Variants in BCAS3 observed in about 807,000 individuals in gnomAD.
The protein encoded by BCAS3 is BCAS4/BCAS3 fusion.
In BCAS3, 53 loss-of-function variants were observed where a neutral mutation model predicts 116.1. That is an observed-to-expected ratio of 0.46 (90% CI 0.37 to 0.57). The LOEUF (loss-of-function observed/expected upper bound fraction) is 0.57, where lower values mean the gene tolerates loss of function less well. Among genes scored for constraint, BCAS3 ranks in the 20% least tolerant of loss-of-function variants. BCAS3 has a pLI of 0.00. For synonymous variants in BCAS3, 391 were observed against 408.2 expected (o/e 0.96, Z 0.51); for missense variants, 917 against 1,165.4 (o/e 0.79, Z 3.10).
chr17:60,823,523 C>T (rs1426434419), intron 7 of BCAS3, among the ~76,000 whole-genome samples: 1 of 151,972 alleles, frequency 6.6e-6, no homozygotes. Flanking sequence ...GTGATTGTAC[C>T]ACCGCGATCT....
chr17:60,741,168 C>T (rs747436495), intron 5 of BCAS3, among the ~76,000 whole-genome samples: 10 of 152,132 alleles, frequency 6.6e-5, no homozygotes, highest in African/African-American at 1.2e-4. Flanking sequence ...CTGTTTGTCT[C>T]TCCAATTTTT....
At chr17:61,293,549 A>G (rs1380619673) in intron 22 of BCAS3, among the ~76,000 whole-genome samples, 2 of 152,216 alleles carry the variant, frequency 1.3e-5, no homozygotes, top group African/African-American at 4.8e-5. Context: ...GGATAGCAGA[A>G]CAAGGTCTTC....
At chr17:60,837,033 G>A (rs2051427732) in intron 7 of BCAS3, among the ~76,000 whole-genome samples, 1 of 152,140 alleles carries the variant, frequency 6.6e-6, no homozygotes, top group Non-Finnish European at 1.5e-5. Context: ...CTTGTACTTT[G>A]TGTTATCAGG....
intron 13 of BCAS3, 72 bp downstream of exon 13, chr17:60,924,572 A>G (rs2059274732): frequency 1.8e-6 from 2 of 1,103,304 alleles, no homozygotes; most frequent in African/African-American, 1.6e-5. Context: ...CCAGCCAAAT[A>G]TGGAATATGG....
chr17:60,993,905 GTTTA>G lies in BCAS3; in HGVS notation c.1486+3678_1486+3681del. 6.6e-6 allele frequency among the ~76,000 whole-genome samples: 1 copy of G among 152,004 alleles called. No individual in the cohort carries two copies. The highest frequency in any genetic ancestry group is 2.1e-4 in the South Asian group (1 of 4,818). ...CAATTTTTTTAACTTTCCAGAGGAT[GTTTA>G]TTTATTTGAAATATATTCTTTATAA... On this transcript the variant is annotated intron_variant, in intron 15 of 23. Transcript: ENST00000407086. This position sits in a 1 kb window ranked among gnomAD's most constrained non-coding sequence, Gnocchi z 4.2.
chr17:60,837,487 T>C (rs1050042973), intron 7 of BCAS3, among the ~76,000 whole-genome samples: 4 of 152,160 alleles, frequency 2.6e-5, no homozygotes, highest in Non-Finnish European at 2.9e-5. Context: ...TTATGATCAA[T>C]AAAAGATAAT....
rs2056818717 is a variant in BCAS3 at position 61,337,525 on chromosome 17, G to C, written c.2426-30802G>C. 1.3e-5 allele frequency among the ~76,000 whole-genome samples: 2 copies of C among 152,150 alleles called. No individual in the cohort carries two copies. Among genetic ancestry groups the C allele is most frequent in the Admixed American group, 1.3e-4 (2 of 15,270 alleles). ...CTTGGAGCAACAAAATGCTCCCAGG[G>C]ATCCTCCTGCCAAGATCCTGCCAGG... is the stretch of plus-strand genomic sequence containing the variant. On this transcript the variant is annotated intron_variant, in intron 22 of 23. Transcript: ENST00000407086. The surrounding 1 kb of genome is among the most constrained non-coding windows in gnomAD (Gnocchi z 4.8).
intron 22 of BCAS3, among the ~76,000 whole-genome samples, chr17:61,115,806 G>T (rs1451206696): frequency 6.6e-6 from 1 of 150,504 alleles, no homozygotes; most frequent in Admixed American, 6.6e-5. Context: ...GTTTATTGCG[G>T]CATTATTCAC....
intron 5 of BCAS3, among the ~76,000 whole-genome samples, chr17:60,744,138 A>C (rs1220484545): frequency 6.6e-6 from 1 of 152,130 alleles, no homozygotes; most frequent in Non-Finnish European, 1.5e-5. Context: ...TCCCCAAGTT[A>C]CCACAGTTGC....
rs571161894 is a variant in BCAS3 at position 60,853,844 on chromosome 17, A to G, written c.477-14732A>G. On this transcript the variant is annotated intron_variant, in intron 7 of 23. Transcript: ENST00000407086. ...ATGTTGTAGCATGTATAAACACCTCATTCCTTTTTATTGCTGAATAATACT... is the reference window on the plus strand; with the variant it reads ...ATGTTGTAGCATGTATAAACACCTCGTTCCTTTTTATTGCTGAATAATACT... 2.0e-5 allele frequency among the ~76,000 whole-genome samples: 3 copies of G among 152,052 alleles called. No homozygotes were observed. The East Asian group carries it at 5.8e-4, about 29-fold the overall frequency.
intron 9 of BCAS3, among the ~76,000 whole-genome samples, chr17:60,882,030 T>C (rs1388748550): frequency 6.7e-6 from 1 of 148,962 alleles, no homozygotes; most frequent in Non-Finnish European, 1.5e-5. Context: ...ACTTCCACAA[T>C]GGATGAACTA....
At chr17:61,085,926 C>T (rs1466649676) in intron 22 of BCAS3, among the ~76,000 whole-genome samples, 2 of 152,048 alleles carry the variant, frequency 1.3e-5, no homozygotes, top group Non-Finnish European at 2.9e-5. Flanking sequence ...CAAGAGTAGG[C>T]CTTGATTGGG....
At chr17:60,723,230 T>C (rs1233696165) in intron 5 of BCAS3, among the ~76,000 whole-genome samples, 2 of 152,110 alleles carry the variant, frequency 1.3e-5, no homozygotes, top group East Asian at 1.9e-4. Context: ...CCATAAATTA[T>C]TATTATTATT....
intron 7 of BCAS3, among the ~76,000 whole-genome samples, chr17:60,818,855 G>A (rs1179070558): frequency 1.3e-5 from 2 of 152,008 alleles, no homozygotes; most frequent in Admixed American, 6.6e-5. Context: ...GACAGCTGCC[G>A]CACTGGCATA....
At chr17:60,766,288 A>G (rs1194001918) in intron 6 of BCAS3, among the ~76,000 whole-genome samples, 1 of 152,094 alleles carries the variant, frequency 6.6e-6, no homozygotes, top group African/African-American at 2.4e-5. Context: ...TAGAATTTTC[A>G]GCTTTTCTGC....
intron 6 of BCAS3, among the ~76,000 whole-genome samples, chr17:60,806,172 G>A (rs568964302): frequency 6.6e-6 from 1 of 152,058 alleles, no homozygotes; most frequent in Non-Finnish European, 1.5e-5. Flanking sequence ...CACTGTGCCC[G>A]GCTTCGGCCT....
At chr17:60,807,707 G>A (rs1398199305) in intron 6 of BCAS3, among the ~76,000 whole-genome samples, 3 of 151,732 alleles carry the variant, frequency 2.0e-5, no homozygotes, top group Admixed American at 6.6e-5. Flanking sequence ...GTTTGAACCC[G>A]GGAGGCAGAG....
intron 13 of BCAS3, among the ~76,000 whole-genome samples, chr17:60,927,226 T>C (rs984763395): frequency 2.0e-5 from 3 of 151,254 alleles, no homozygotes; most frequent in African/African-American, 7.4e-5. Context: ...CTTTTATTTA[T>C]TTTTTTCTTT....
intron 4 of BCAS3, among the ~76,000 whole-genome samples, chr17:60,694,148 A>T (rs1211793465): frequency 6.6e-6 from 1 of 151,252 alleles, no homozygotes; most frequent in Non-Finnish European, 1.5e-5. Context: ...GGCCTTCCAA[A>T]GTGCTGGGAT....
Sources: gnomAD v4.1 joint callset for allele counts (sites outside exome capture counted in the v4.1 genomes callset) on GRCh38, gnomAD v4.1.1 for gene constraint, Gnocchi (gnomAD v3.1) non-coding constraint, MANE v1.5 for transcripts, NCBI Gene and HGNC (gene_info 2026-07-23, HGNC 2026-07-21) for gene names.